The following RAB27A variants were observed in gnomAD, a reference collection of about 807,000 sequenced individuals.
RAB27A encodes the protein RAB27A, member RAS oncogene family.
RAB27A carries 17 observed loss-of-function variants against 20.8 expected under a neutral mutation model. That is an observed-to-expected ratio of 0.82 (90% CI 0.56 to 1.23). The LOEUF (loss-of-function observed/expected upper bound fraction) is 1.23. Ranked by LOEUF, RAB27A falls within the 50% of genes most tolerant of loss-of-function variation. RAB27A has a pLI of 0.00. For missense variants in RAB27A, 277 were observed against 266.7 expected, an observed-to-expected ratio of 1.04 and a Z score of -0.27; for synonymous variants, 85 against 92.8, an observed-to-expected ratio of 0.92 and a Z score of 0.48.
chr15:55,305,154 C>G (rs2054991671), intron 2 of RAB27A, among the ~76,000 whole-genome samples: 1 of 152,196 alleles, frequency 6.6e-6, no homozygotes, highest in Admixed American at 6.5e-5. Flanking sequence ...ACCTTCCCAG[C>G]TAGGCTTAGG....
At chr15:55,241,364 T>G (rs1896470539) in intron 2 of RAB27A, among the ~76,000 whole-genome samples, 2 of 151,948 alleles carry the variant, frequency 1.3e-5, no homozygotes, top group African/African-American at 4.8e-5. Flanking sequence ...AAATATTTTT[T>G]CAAAGTGCTC....
At chr15:55,205,822 T>TG (rs537217264) in intron 6 of RAB27A, 117 bp from the exon 7 acceptor site, 318 of 947,888 alleles carry the variant, frequency 3.4e-4, no homozygotes, top group Non-Finnish European at 4.8e-4. Flanking sequence ...TGACAAACAT[T>TG]TTACCACCCC....
At chr15:55,210,435 G>A (rs1434013357) in intron 6 of RAB27A, among the ~76,000 whole-genome samples, 7 of 148,986 alleles carry the variant, frequency 4.7e-5, no homozygotes, top group Non-Finnish European at 8.9e-5. Context: ...TGAGGGGGGG[G>A]GAATTACTGC....
At chr15:55,297,966 G>A (rs1319576989) in intron 2 of RAB27A, among the ~76,000 whole-genome samples, 5 of 152,112 alleles carry the variant, frequency 3.3e-5, no homozygotes, top group Non-Finnish European at 4.4e-5. Flanking sequence ...ACTTTGGGAG[G>A]CCGAGGTGGG....
chr15:55,220,516 C>G (rs1375556800), intron 6 of RAB27A, among the ~76,000 whole-genome samples: 1 of 152,180 alleles, frequency 6.6e-6, no homozygotes, highest in East Asian at 1.9e-4. Context: ...GGTGATCCAC[C>G]TGCCTTGGCC....
At chr15:55,316,259 T>C (rs1422270121) in intron 1 of RAB27A, among the ~76,000 whole-genome samples, 1 of 151,188 alleles carries the variant, frequency 6.6e-6, no homozygotes, top group African/African-American at 2.4e-5. Flanking sequence ...AAAAAGAATT[T>C]ATGTACTTTG....
upstream of RAB27A, among the ~76,000 whole-genome samples, chr15:55,292,361 T>C (rs1250119767): frequency 6.6e-6 from 1 of 152,214 alleles, no homozygotes; most frequent in East Asian, 1.9e-4. Context: ...AGCTAATAAG[T>C]GGCACAGCCA....
chr15:55,228,905 C>T (rs1895924358), intron 4 of RAB27A, among the ~76,000 whole-genome samples, 193 bp from the exon 5 acceptor site: 1 of 152,144 alleles, frequency 6.6e-6, no homozygotes, highest in Non-Finnish European at 1.5e-5. Flanking sequence ...GATTTGAAAA[C>T]CGAGGCTGCT....
At chr15:55,215,618 C>G (rs184445933) in intron 6 of RAB27A, among the ~76,000 whole-genome samples, 1,584 of 135,358 alleles carry the variant, frequency 0.012, 27 homozygotes, top group African/African-American at 0.044. Context: ...CGCCACTGCA[C>G]TCCAGCCTGG....
At chr15:55,300,652 C>A (rs1162050219) in intron 2 of RAB27A, among the ~76,000 whole-genome samples, 1 of 150,844 alleles carries the variant, frequency 6.6e-6, no homozygotes, top group African/African-American at 2.5e-5. Flanking sequence ...GCACCCCAGT[C>A]TGGGCAACAA....
At chr15:55,307,289 T>C (rs920440812) in intron 2 of RAB27A, among the ~76,000 whole-genome samples, 1 of 151,870 alleles carries the variant, frequency 6.6e-6, no homozygotes, top group South Asian at 2.1e-4. Context: ...CAGAAGGTCA[T>C]TGGTTAGGAA....
chr15:55,306,849 C>A (rs1316856942), intron 2 of RAB27A, among the ~76,000 whole-genome samples: 2 of 152,064 alleles, frequency 1.3e-5, no homozygotes, highest in East Asian at 3.9e-4. Flanking sequence ...GGTGAGAGAA[C>A]AGTAAAGAGA....
At chr15:55,207,211 T>C (rs1326634234) in intron 6 of RAB27A, among the ~76,000 whole-genome samples, 1 of 151,590 alleles carries the variant, frequency 6.6e-6, no homozygotes, top group Non-Finnish European at 1.5e-5. Flanking sequence ...AAACTGTTAA[T>C]AACTACTTTG....
At chr15:55,230,534 A>C in intron 3 of RAB27A, 48 bp from the exon 4 acceptor site, 5 of 1,484,074 alleles carry the variant, frequency 3.4e-6, no homozygotes, top group Non-Finnish European at 4.7e-6. Flanking sequence ...TTCTAACACC[A>C]GCGAACCTTC....
chr15:55,209,813 C>T lies in RAB27A; in HGVS notation c.468-4108G>A, dbSNP rs112622677. ...GTGTGTATGTATACATATATACACA[C>T]ATGTGTGTATATATACATATATGTG... is the stretch of plus-strand genomic sequence containing the variant. On this transcript the variant is annotated intron_variant, in intron 6 of 6. Coordinates refer to ENST00000336787, the MANE Select transcript of RAB27A (RefSeq NM_183235.3). Among the ~76,000 whole-genome samples the T allele has an allele frequency of 6.2e-3, 672 of 108,040 alleles. 94 individuals are homozygous for T. The highest frequency in any genetic ancestry group is 0.036 in the African/African-American group (547 of 15,012). The allele number at this position is 108,040 out of a possible 152,430, so 70.9% of individuals were successfully genotyped here. A position where few individuals can be genotyped will look rare whatever the true frequency, so the allele number is the denominator to read the frequency against.
intron 6 of RAB27A, among the ~76,000 whole-genome samples, chr15:55,209,801 CATAT>C (rs1451012995): frequency 2.3e-5 from 3 of 132,134 alleles, no homozygotes; most frequent in Non-Finnish European, 3.2e-5. Flanking sequence ...TGTATGTATA[CATAT>C]ATACACACAT....
intron 2 of RAB27A, among the ~76,000 whole-genome samples, chr15:55,255,491 G>C (rs754280210): frequency 6.6e-6 from 1 of 152,260 alleles, no homozygotes; most frequent in South Asian, 2.1e-4. Flanking sequence ...CAACTGGCCA[G>C]CTGTCACTCA....
upstream of RAB27A, among the ~76,000 whole-genome samples, chr15:55,294,133 TA>T (rs146292652): frequency 5.7e-4 from 85 of 148,052 alleles, no homozygotes; most frequent in African/African-American, 1.5e-3. Context: ...GTATAGTAAT[TA>T]AAAAAAAAAC....
intron 5 of RAB27A, among the ~76,000 whole-genome samples, chr15:55,224,965 T>C (rs1895738252): frequency 1.3e-5 from 2 of 152,200 alleles, no homozygotes; most frequent in South Asian, 4.1e-4. Context: ...GGCCTGATAC[T>C]CTGCATGGAA....
Sources: allele counts gnomAD v4.1 joint callset (sites outside exome capture counted in the v4.1 genomes callset), GRCh38; gene constraint gnomAD v4.1.1; transcripts MANE v1.5; gene names NCBI Gene and HGNC (gene_info 2026-07-23, HGNC 2026-07-21).